The following PTK2B variants were observed in gnomAD, a reference collection of about 807,000 sequenced individuals.
The protein encoded by PTK2B is protein-tyrosine kinase 2-beta.
PTK2B carries 71 observed loss-of-function variants against 142.9 expected under a neutral mutation model. That is an observed-to-expected ratio of 0.50 (90% confidence interval 0.41 to 0.61). The LOEUF (loss-of-function observed/expected upper bound fraction) is 0.61, where lower values mean the gene tolerates loss of function less well. Among genes scored for constraint, PTK2B ranks in the 20% least tolerant of loss-of-function variants. The probability of loss-of-function intolerance (pLI) is 0.00; values close to 1 mark genes in which losing one functional copy is unlikely to be tolerated. For synonymous variants in PTK2B, 519 were observed against 503.4 expected (o/e 1.03, Z -0.42); for missense variants, 1,105 against 1,320.4 (o/e 0.84, Z 2.53).
chr8:27,415,743 G>C (rs1809363366), intron 2 of PTK2B, among the ~76,000 whole-genome samples: 1 of 152,112 alleles, frequency 6.6e-6, no homozygotes, highest in Non-Finnish European at 1.5e-5. Flanking sequence ...CATGGAGAGA[G>C]TAAGCCCCAA....
chr8:27,357,046 C>T (rs1805431959), intron 1 of PTK2B, among the ~76,000 whole-genome samples: 1 of 152,170 alleles, frequency 6.6e-6, no homozygotes, highest in South Asian at 2.1e-4. Flanking sequence ...ATACCACACA[C>T]ACCCACACAT....
chr8:27,372,609 T>C (rs1806428433), intron 1 of PTK2B, among the ~76,000 whole-genome samples: 1 of 152,210 alleles, frequency 6.6e-6, no homozygotes, highest in Non-Finnish European at 1.5e-5. Context: ...CAGAATAATG[T>C]TCAACCAAAT....
At chr8:27,445,563 T>C (rs189975578) in intron 23 of PTK2B, among the ~76,000 whole-genome samples, 214 of 152,278 alleles carry the variant, frequency 1.4e-3, no homozygotes, top group African/African-American at 4.9e-3. Flanking sequence ...TGGACCCCAC[T>C]GTGTGCAGAG....
intron 18 of PTK2B, among the ~76,000 whole-genome samples, chr8:27,438,508 T>C (rs1487042829): frequency 1.3e-5 from 2 of 152,328 alleles, no homozygotes; most frequent in East Asian, 1.9e-4. Context: ...GTATCCTAAG[T>C]GCCCCATCAG....
At chr8:27,391,750 T>A (rs151027551) in intron 1 of PTK2B, among the ~76,000 whole-genome samples, 1 of 152,326 alleles carries the variant, frequency 6.6e-6, no homozygotes, top group East Asian at 1.9e-4. Flanking sequence ...TCAGAGATTG[T>A]CCATCCTCCT....
intron 9 of PTK2B, among the ~76,000 whole-genome samples, chr8:27,431,804 T>C (rs56285565): frequency 0.21 from 32,481 of 152,132 alleles, 4,099 homozygotes; most frequent in Middle Eastern, 0.31. Context: ...GGGACCTGGG[T>C]CCAGTCCTGG....
At chr8:27,438,886 C>T (rs1012688541) in intron 18 of PTK2B, 145 bp from the exon 19 acceptor site, 1 of 737,954 alleles carries the variant, frequency 1.4e-6, no homozygotes. Context: ...GGCAGTGACC[C>T]ACAGAAGCTG....
chr8:27,437,741 G>C (rs975731001), intron 17 of PTK2B, 24 bp from the exon 18 acceptor site: 6 of 1,594,090 alleles, frequency 3.8e-6, no homozygotes, highest in Middle Eastern at 1.9e-4. Context: ...CAGGGGTCTT[G>C]ATGGCACCTC....
intron 1 of PTK2B, among the ~76,000 whole-genome samples, chr8:27,350,314 A>G (rs780524365): frequency 3.9e-5 from 6 of 152,156 alleles, no homozygotes; most frequent in Non-Finnish European, 8.8e-5. Flanking sequence ...TGTTATTGAA[A>G]CCTTGAAGGT....
At position 27,385,076 on chromosome 8, in the gene PTK2B, G is replaced by C. The variant is rs78170213; in HGVS notation, c.-37-12472G>C. ...ATCACAGTTCTGCTCTCGACTTGCT[G>C]TGTGGCCTTTGGGAAGTTACTCTGC... On this transcript the variant is annotated intron_variant, in intron 1 of 30. Transcript: ENST00000346049. Among the ~76,000 whole-genome samples, 1,526 of 152,300 alleles carry C rather than the reference G, an allele frequency of 0.01. 113 individuals are homozygous for C. The East Asian group carries it at 0.18, about 18-fold the overall frequency.
At chr8:27,352,856 C>T (rs1805178003) in intron 1 of PTK2B, among the ~76,000 whole-genome samples, 1 of 152,196 alleles carries the variant, frequency 6.6e-6, no homozygotes. Context: ...TTCAATTAAA[C>T]CCCTTTCTTT....
At chr8:27,368,386 C>T (rs186751247) in intron 1 of PTK2B, among the ~76,000 whole-genome samples, 138 of 152,266 alleles carry the variant, frequency 9.1e-4, no homozygotes, top group South Asian at 1.7e-3. Context: ...CCCCCTACCC[C>T]GCCACCATCA....
intron 1 of PTK2B, among the ~76,000 whole-genome samples, chr8:27,379,578 G>A (rs983257483): frequency 6.6e-6 from 1 of 152,142 alleles, no homozygotes; most frequent in Non-Finnish European, 1.5e-5. Context: ...CAACTCAGCT[G>A]TAACCATAGG....
chr8:27,370,572 A>G (rs1487015177), intron 1 of PTK2B, among the ~76,000 whole-genome samples: 1 of 152,182 alleles, frequency 6.6e-6, no homozygotes, highest in East Asian at 1.9e-4. Context: ...AAATATGCCT[A>G]ACTCCACTCA....
chr8:27,377,573 A>G (rs980771887), intron 1 of PTK2B, among the ~76,000 whole-genome samples: 5 of 152,058 alleles, frequency 3.3e-5, no homozygotes, highest in Non-Finnish European at 5.9e-5. Context: ...TCTCCAGCTG[A>G]GTGTGGTCTT....
chr8:27,363,236 G>C lies in PTK2B; in HGVS notation c.-37-34312G>C, dbSNP rs1216754919. Among the ~76,000 whole-genome samples, 3 of 152,120 alleles carry C rather than the reference G, an allele frequency of 2.0e-5. No homozygotes were observed. Among genetic ancestry groups the C allele is most frequent in the Non-Finnish European group, 4.4e-5 (3 of 68,030 alleles). ...TTGGGAAGCTTTGAGGGAGAGAGGG[G>C]AGCCAGAGAGGACGTCTCGTGAGAA... On this transcript the variant is annotated intron_variant, in intron 1 of 30. Coordinates refer to ENST00000346049, the MANE Select transcript of PTK2B (RefSeq NM_173176.3). This position sits in a 1 kb window ranked among gnomAD's most constrained non-coding sequence, Gnocchi z 4.3.
chr8:27,350,038 G>A (rs1804950515), intron 1 of PTK2B, among the ~76,000 whole-genome samples: 1 of 152,232 alleles, frequency 6.6e-6, no homozygotes, highest in African/African-American at 2.4e-5. Flanking sequence ...TCCTAGCATG[G>A]AAATGTATAT....
intron 5 of PTK2B, among the ~76,000 whole-genome samples, chr8:27,423,865 CTT>C (rs1318970268): frequency 6.6e-6 from 1 of 152,152 alleles, no homozygotes; most frequent in Non-Finnish European, 1.5e-5. Context: ...CATTTCGTGA[CTT>C]TGTCTCAAGA....
At chr8:27,453,009 T>A in intron 27 of PTK2B, 105 bp from the exon 28 acceptor site, 1 of 1,345,976 alleles carries the variant, frequency 7.4e-7, no homozygotes, top group African/African-American at 1.4e-5. Flanking sequence ...TTCCCTGAAG[T>A]CTCCTGGTGG....
Sources: allele counts gnomAD v4.1 joint callset (sites outside exome capture counted in the v4.1 genomes callset), GRCh38; gene constraint gnomAD v4.1.1; non-coding constraint Gnocchi (gnomAD v3.1); transcripts MANE v1.5; gene names NCBI Gene and HGNC (gene_info 2026-07-23, HGNC 2026-07-21).